Variants in PARD3B observed in about 807,000 individuals in gnomAD.
The protein encoded by PARD3B is partitioning defective 3 homolog B.
In PARD3B, 103 loss-of-function variants were observed where a neutral mutation model predicts 130.2. The observed-to-expected ratio is 0.79, with a 90% CI of 0.67 to 0.93. PARD3B has a LOEUF of 0.93. PARD3B is among the 40% of genes least tolerant of loss of function. PARD3B has a pLI of 0.00. For missense variants in PARD3B, 1,609 were observed against 1,499.2 expected, an observed-to-expected ratio of 1.07 and a Z score of -1.21; for synonymous variants, 583 against 553.2, an observed-to-expected ratio of 1.05 and a Z score of -0.76.
intron 1 of PARD3B, among the ~76,000 whole-genome samples, chr2:204,561,265 G>A (rs2031289829): frequency 6.6e-6 from 1 of 152,182 alleles, no homozygotes; most frequent in Non-Finnish European, 1.5e-5. Flanking sequence ...GGAACAACCT[G>A]GTGCTCAGAA....
At chr2:204,829,967 C>T (rs1385179304) in intron 2 of PARD3B, among the ~76,000 whole-genome samples, 2 of 144,642 alleles carry the variant, frequency 1.4e-5, no homozygotes, top group Non-Finnish European at 3.0e-5. Context: ...CCACTGCACT[C>T]CAGCCTGGGC....
intron 15 of PARD3B, among the ~76,000 whole-genome samples, chr2:205,226,300 C>CA (rs1339153183): frequency 1.3e-5 from 2 of 152,044 alleles, no homozygotes; most frequent in East Asian, 1.9e-4. Context: ...CTTGGCCTCC[C>CA]AAGTTCTGGG....
intron 1 of PARD3B, among the ~76,000 whole-genome samples, chr2:204,594,424 A>G (rs959905640): frequency 1.3e-5 from 2 of 152,204 alleles, no homozygotes; most frequent in Non-Finnish European, 2.9e-5. Flanking sequence ...AGAGAAGGTG[A>G]CTAGTGATTA....
intron 1 of PARD3B, among the ~76,000 whole-genome samples, chr2:204,634,514 T>C (rs1271035658): frequency 6.6e-6 from 1 of 152,210 alleles, no homozygotes; most frequent in Non-Finnish European, 1.5e-5. Context: ...GTCATGTCTC[T>C]TAATTCTCAT....
intron 3 of PARD3B, among the ~76,000 whole-genome samples, chr2:204,973,703 T>C (rs1284699860): frequency 6.6e-6 from 1 of 152,216 alleles, no homozygotes; most frequent in African/African-American, 2.4e-5. Flanking sequence ...TAAAGCCTTA[T>C]GATGAATTAT....
chr2:205,524,833 C>G (rs1009297180), intron 21 of PARD3B, among the ~76,000 whole-genome samples: 3 of 152,172 alleles, frequency 2.0e-5, no homozygotes, highest in Non-Finnish European at 4.4e-5. Flanking sequence ...GCACCATGCC[C>G]TCCTTTCCGC....
chr2:204,923,373 T>C (rs1001325341), intron 2 of PARD3B, among the ~76,000 whole-genome samples: 1 of 152,088 alleles, frequency 6.6e-6, no homozygotes, highest in Non-Finnish European at 1.5e-5. Context: ...TATGTATTTT[T>C]GTATATTTAT....
chr2:205,582,105 G>C (rs1234888589), intron 22 of PARD3B, among the ~76,000 whole-genome samples: 1 of 152,214 alleles, frequency 6.6e-6, no homozygotes, highest in African/African-American at 2.4e-5. Context: ...TACCTTTCCT[G>C]TAGAAATGAT....
intron 22 of PARD3B, among the ~76,000 whole-genome samples, chr2:205,598,419 C>G (rs915188257): frequency 2.0e-5 from 3 of 151,364 alleles, no homozygotes; most frequent in African/African-American, 4.8e-5. Context: ...GAACACTTAA[C>G]TATCTTAAAT....
intron 3 of PARD3B, among the ~76,000 whole-genome samples, chr2:204,978,488 A>G (rs1048437984): frequency 6.6e-6 from 1 of 152,216 alleles, no homozygotes; most frequent in African/African-American, 2.4e-5. Context: ...GTAGGGCAGT[A>G]GTCATCTTTT....
intron 2 of PARD3B, among the ~76,000 whole-genome samples, chr2:204,780,752 G>A (rs1024537683): frequency 6.6e-6 from 1 of 152,036 alleles, no homozygotes; most frequent in East Asian, 1.9e-4. Context: ...CAGTTACAGA[G>A]ACCAGTATTG....
At chr2:205,497,216 AAAAG>A (rs1341308916) in intron 20 of PARD3B, among the ~76,000 whole-genome samples, 9 of 151,368 alleles carry the variant, frequency 5.9e-5, no homozygotes, top group African/African-American at 1.2e-4. Context: ...AAAAAAAAAA[AAAAG>A]AAAGAAAGGT....
intron 3 of PARD3B, among the ~76,000 whole-genome samples, chr2:204,973,220 A>G (rs909566650): frequency 3.3e-5 from 5 of 152,190 alleles, no homozygotes; most frequent in Admixed American, 3.3e-4. Context: ...TTCACAGCCT[A>G]ATAAGGTTTA....
chr2:204,550,322 G>GTT (rs965263520), intron 1 of PARD3B, among the ~76,000 whole-genome samples: 3 of 152,222 alleles, frequency 2.0e-5, no homozygotes, highest in Admixed American at 1.3e-4. Context: ...GTGTGTGTGT[G>GTT]TTCAGTACAC....
At chr2:204,831,240 A>C (rs1052248872) in intron 2 of PARD3B, among the ~76,000 whole-genome samples, 1 of 152,052 alleles carries the variant, frequency 6.6e-6, no homozygotes, top group Non-Finnish European at 1.5e-5. Context: ...ATGTAATTTT[A>C]CTCTTTTAGC....
chr2:205,328,061 A>G (rs773365609), intron 18 of PARD3B, among the ~76,000 whole-genome samples: 37 of 152,204 alleles, frequency 2.4e-4, no homozygotes, highest in Non-Finnish European at 4.6e-4. Flanking sequence ...AGCTATTATA[A>G]CAAAAAGAGA....
At chr2:205,583,314 A>C (rs2054064236) in intron 22 of PARD3B, among the ~76,000 whole-genome samples, 1 of 152,118 alleles carries the variant, frequency 6.6e-6, no homozygotes, top group South Asian at 2.1e-4. Context: ...ATGATGATGG[A>C]AGGAATTAGG....
intron 2 of PARD3B, among the ~76,000 whole-genome samples, chr2:204,766,187 CTTT>C (rs1256271638): frequency 1.3e-5 from 2 of 152,228 alleles, no homozygotes; most frequent in Admixed American, 6.5e-5. Context: ...AGTTCTCCTG[CTTT>C]ATCTGGTCAA....
In PARD3B at chr2:205,208,766, A is replaced by C. The variant is rs1265727700; in HGVS notation, c.2140+15446A>C. ...CATTCCATGCTCATGGGTAGGAACAATCAATATCGTGAAAATGGCCATACT... is the reference window on the plus strand; with the variant it reads ...CATTCCATGCTCATGGGTAGGAACACTCAATATCGTGAAAATGGCCATACT... On this transcript the variant is annotated intron_variant, in intron 15 of 22. Transcript: ENST00000406610. 1.0e-4 allele frequency among the ~76,000 whole-genome samples: 15 copies of C among 145,562 alleles called. 1 individual carries two copies. The highest frequency in any genetic ancestry group is 1.0e-3 in the Admixed American group (15 of 14,868).
Sources: gnomAD v4.1 joint callset for allele counts (sites outside exome capture counted in the v4.1 genomes callset) on GRCh38, gnomAD v4.1.1 for gene constraint, MANE v1.5 for transcripts, NCBI Gene and HGNC (gene_info 2026-07-23, HGNC 2026-07-21) for gene names.